Variants in LIPC observed in about 807,000 individuals in gnomAD.
The protein encoded by LIPC is lipase C, hepatic type.
Under a neutral mutation model 50.7 loss-of-function variants are expected in LIPC, and 44 were observed. The observed-to-expected ratio is 0.87, with a 90% CI of 0.68 to 1.11. The LOEUF is 1.11. LIPC is among the 50% of genes most tolerant of loss of function. LIPC has a pLI of 0.00. For missense variants in LIPC, 697 were observed against 648.2 expected, an observed-to-expected ratio of 1.08 and a Z score of -0.82; for synonymous variants, 271 against 256.4, an observed-to-expected ratio of 1.06 and a Z score of -0.54.
Position 58,558,322 on chromosome 15 carries a change from C to G in LIPC, c.1052-2542C>G, listed in dbSNP as rs534915892. Among the ~76,000 whole-genome samples, 627 of 152,198 alleles carry G rather than the reference C, an allele frequency of 4.1e-3. 6 individuals carry two copies. Among genetic ancestry groups the G allele is most frequent in the African/African-American group, 0.014 (599 of 41,518 alleles). On this transcript the variant is annotated intron_variant, in intron 6 of 8. Coordinates refer to ENST00000299022, the MANE Select transcript of LIPC (RefSeq NM_000236.3). ...TCTTGACCTTGTGATCCACCTGCCT[C>G]GGCTCCCAAAGTGCTGGGATTACAG... is the stretch of plus-strand genomic sequence containing the variant.
At chr15:58,445,019 C>T (rs1487368139) in intron 1 of LIPC, among the ~76,000 whole-genome samples, 1 of 152,184 alleles carries the variant, frequency 6.6e-6, no homozygotes, top group Non-Finnish European at 1.5e-5. Context: ...AGACAGGGGG[C>T]CTGTGCTGAA....
At chr15:58,465,099 T>C (rs186364515) in intron 1 of LIPC, among the ~76,000 whole-genome samples, 107 of 152,348 alleles carry the variant, frequency 7.0e-4, no homozygotes, top group African/African-American at 2.4e-3. Flanking sequence ...CTATCACTGC[T>C]ACCTTACTTT....
intron 5 of LIPC, among the ~76,000 whole-genome samples, chr15:58,546,375 TG>T (rs1431841711): frequency 6.6e-6 from 1 of 152,208 alleles, no homozygotes; most frequent in African/African-American, 2.4e-5. Context: ...CTGAACCACA[TG>T]AGGATCCACT....
chr15:58,452,505 T>C (rs997426927), intron 1 of LIPC, among the ~76,000 whole-genome samples: 1 of 152,206 alleles, frequency 6.6e-6, no homozygotes, highest in African/African-American at 2.4e-5. Flanking sequence ...GTTATATGCT[T>C]CCATCCCTTT....
chr15:58,555,386 A>C (rs1341137090), intron 6 of LIPC, among the ~76,000 whole-genome samples: 1 of 152,202 alleles, frequency 6.6e-6, no homozygotes, highest in Non-Finnish European at 1.5e-5. Flanking sequence ...TGGTGGCTTC[A>C]TTAGAAGCAG....
At chr15:58,544,510 C>T (rs1242870270) in intron 4 of LIPC, among the ~76,000 whole-genome samples, 1 of 150,514 alleles carries the variant, frequency 6.6e-6, no homozygotes, top group Non-Finnish European at 1.5e-5. Flanking sequence ...ATTCTCCTGC[C>T]TCAGCTTCCC....
At chr15:58,554,033 G>C (rs190873069) in intron 6 of LIPC, among the ~76,000 whole-genome samples, 10 of 152,156 alleles carry the variant, frequency 6.6e-5, no homozygotes, top group Admixed American at 1.3e-4. Context: ...TTTGCAAAGA[G>C]AGTCATAATA....
intron 1 of LIPC, among the ~76,000 whole-genome samples, chr15:58,485,307 T>A (rs1891334615): frequency 6.6e-6 from 1 of 152,160 alleles, no homozygotes; most frequent in African/African-American, 2.4e-5. Flanking sequence ...ATCAACATGT[T>A]ATGCTGCATG....
chr15:58,485,304 T>A (rs1891334489), intron 1 of LIPC, among the ~76,000 whole-genome samples: 2 of 152,264 alleles, frequency 1.3e-5, no homozygotes, highest in South Asian at 4.1e-4. Context: ...AGTATCAACA[T>A]GTTATGCTGC....
At chr15:58,483,714 T>C (rs1366398695) in intron 1 of LIPC, among the ~76,000 whole-genome samples, 3 of 152,214 alleles carry the variant, frequency 2.0e-5, no homozygotes, top group Non-Finnish European at 4.4e-5. Context: ...AAAATATCTC[T>C]TGGCAAGTTG....
chr15:58,520,287 C>T (rs1324046575), intron 1 of LIPC, among the ~76,000 whole-genome samples: 2 of 152,030 alleles, frequency 1.3e-5, no homozygotes, highest in African/African-American at 4.8e-5. Context: ...CAGTCAGGAA[C>T]CCACCCTTTT....
At chr15:58,465,131 G>A (rs1894503059) in intron 1 of LIPC, among the ~76,000 whole-genome samples, 1 of 152,174 alleles carries the variant, frequency 6.6e-6, no homozygotes. Flanking sequence ...GGGTTCCTAT[G>A]TCTTATCCCC....
rs1467286615 is a variant in LIPC at position 58,565,492 on chromosome 15, T to C, written c.1388+1769T>C. 26 of 1,386,590 alleles carry C rather than the reference T, an allele frequency of 1.9e-5. No homozygotes were observed. In the South Asian group the frequency reaches 4.0e-4, roughly 21 times the overall value. 85.9% of individuals were successfully genotyped at this position (1,386,590 alleles called of 1,614,324 possible). ...CCAGGGCTCCCACACGGGGTGAGCA[T>C]TGAAGCAGGTGCTCCATGGCATTGG... On this transcript the variant is annotated intron_variant, in intron 8 of 8. Coordinates refer to ENST00000299022, the MANE Select transcript of LIPC (RefSeq NM_000236.3).
At chr15:58,435,117 C>A (rs1893249535) in intron 1 of LIPC, 2 of 152,108 alleles carry the variant, frequency 1.3e-5, no homozygotes, top group South Asian at 4.1e-4. Flanking sequence ...TGATAATAAA[C>A]CCTTGCATAT....
chr15:58,562,874 C>A (rs996352036), intron 7 of LIPC, among the ~76,000 whole-genome samples: 5 of 141,852 alleles, frequency 3.5e-5, no homozygotes, highest in African/African-American at 1.1e-4. Flanking sequence ...TGCCAAAAAT[C>A]TCTCCCAGGG....
At chr15:58,480,189 T>C (rs1402455681) in intron 1 of LIPC, among the ~76,000 whole-genome samples, 6 of 152,350 alleles carry the variant, frequency 3.9e-5, no homozygotes, top group Admixed American at 1.3e-4. Context: ...CATTCTGCTT[T>C]GTCTGAGAAA....
At chr15:58,562,806 C>CCA (rs1555407534) in intron 7 of LIPC, among the ~76,000 whole-genome samples, 4 of 60,586 alleles carry the variant, frequency 6.6e-5, no homozygotes, top group South Asian at 3.9e-4. Flanking sequence ...ACACAAGGGA[C>CCA]CCCCCCCCAA....
intron 1 of LIPC, among the ~76,000 whole-genome samples, chr15:58,443,599 G>A (rs1360221784): frequency 7.9e-5 from 12 of 152,226 alleles, no homozygotes; most frequent in African/African-American, 2.4e-4. Context: ...ATGAGCTGAA[G>A]AGGACCCTCC....
intron 1 of LIPC, among the ~76,000 whole-genome samples, chr15:58,509,822 A>G (rs1892276735): frequency 6.6e-6 from 1 of 152,194 alleles, no homozygotes; most frequent in African/African-American, 2.4e-5. Flanking sequence ...ACAAAATTAC[A>G]TAATATGATA....
Sources: gnomAD v4.1 joint callset for allele counts (sites outside exome capture counted in the v4.1 genomes callset) on GRCh38, gnomAD v4.1.1 for gene constraint, MANE v1.5 for transcripts, NCBI Gene and HGNC (gene_info 2026-07-23, HGNC 2026-07-21) for gene names.